The following RGS3 variants were observed in gnomAD, a reference collection of about 807,000 sequenced individuals.
RGS3 encodes regulator of G protein signaling 3, also known as regulator of G-protein signalling 3.
In RGS3, 80 loss-of-function variants were observed where a neutral mutation model predicts 132.6. The ratio of observed to expected loss-of-function variants is 0.60; its 90% CI spans 0.50 to 0.73. RGS3 has a LOEUF of 0.73. RGS3 is among the 30% of genes least tolerant of loss of function. RGS3 has a pLI of 0.00. For missense variants in RGS3, 1,382 were observed against 1,530.8 expected (o/e 0.90, Z 1.62); for synonymous variants, 598 against 620.6 (o/e 0.96, Z 0.54).
At chr9:113,462,709 C>T (rs935227387) in intron 3 of RGS3, among the ~76,000 whole-genome samples, 1 of 152,186 alleles carries the variant, frequency 6.6e-6, no homozygotes, top group African/African-American at 2.4e-5. Context: ...GTAAATTGCC[C>T]AGCTCAGCTC....
chr9:113,497,282 G>T (rs962169875), intron 8 of RGS3, 32 bp from the exon 7 acceptor site: 1 of 1,567,654 alleles, frequency 6.4e-7, no homozygotes, highest in Non-Finnish European at 8.8e-7. Context: ...TGCCTCCTGT[G>T]TCTGAGCGTG....
At chr9:113,450,421 G>A (rs1829214212) in intron 1 of RGS3, among the ~76,000 whole-genome samples, 1 of 152,210 alleles carries the variant, frequency 6.6e-6, no homozygotes. Flanking sequence ...GCAGTAGGCA[G>A]ATACTAAGAA....
intron 19 of RGS3, chr9:113,542,140 C>CT (rs200719288): frequency 0.024 from 3,738 of 152,732 alleles, 65 homozygotes; most frequent in Admixed American, 0.037. Context: ...AAGGACATAA[C>CT]TTTTAAACCG....
At chr9:113,553,459 A>AAAAAAAAAAAAATAT (rs1426114805) in intron 19 of RGS3, among the ~76,000 whole-genome samples, 23 of 58,688 alleles carry the variant, frequency 3.9e-4, no homozygotes, top group Non-Finnish European at 5.7e-4. Context: ...AAAAAAAAAA[A>AAAAAAAAAAAAATAT]ATATATATAT....
chr9:113,568,690 A>G (rs884898), intron 19 of RGS3, among the ~76,000 whole-genome samples: 28,466 of 152,196 alleles, frequency 0.19, 2,784 homozygotes, highest in African/African-American at 0.22. Context: ...GGAGCCAGGC[A>G]GTTTCCAAGA....
chr9:113,555,032 T>A (rs929266767), intron 19 of RGS3, among the ~76,000 whole-genome samples: 4 of 152,210 alleles, frequency 2.6e-5, no homozygotes, highest in Non-Finnish European at 5.9e-5. Flanking sequence ...CCCAAATGGT[T>A]TGACCAGTTT....
At chr9:113,524,468 C>T (rs1832107412) in intron 17 of RGS3, among the ~76,000 whole-genome samples, 1 of 152,130 alleles carries the variant, frequency 6.6e-6, no homozygotes. Context: ...GAAGCTATAA[C>T]CCAGGACCCT....
At chr9:113,539,068 C>T (rs1444240361) in intron 19 of RGS3, among the ~76,000 whole-genome samples, 1 of 152,254 alleles carries the variant, frequency 6.6e-6, no homozygotes, top group Non-Finnish European at 1.5e-5. Flanking sequence ...AATAGATTCT[C>T]TCCAGCCCTA....
At chr9:113,476,139 T>A (rs1829985992) in intron 3 of RGS3, among the ~76,000 whole-genome samples, 1 of 152,144 alleles carries the variant, frequency 6.6e-6, no homozygotes, top group Admixed American at 6.5e-5. Flanking sequence ...TGGCACCTGG[T>A]GCTGTCCCCG....
chr9:113,583,690 C>T (rs1834944435), exon 20 of RGS3: 1 of 1,613,968 alleles, frequency 6.2e-7, no homozygotes, highest in Admixed American at 1.7e-5. Flanking sequence ...AGATGCTCCG[C>T]CCAGCAAGGA....
intron 7 of RGS3, among the ~76,000 whole-genome samples, chr9:113,491,097 T>A (rs1830504415): frequency 1.4e-5 from 2 of 142,104 alleles, no homozygotes; most frequent in South Asian, 2.1e-4. Flanking sequence ...CATAACTTAA[T>A]TATAATTATA....
chr9:113,480,111 T>TTA (rs1830112454), intron 4 of RGS3, among the ~76,000 whole-genome samples: 1 of 152,182 alleles, frequency 6.6e-6, no homozygotes, highest in Non-Finnish European at 1.5e-5. Flanking sequence ...GTTAGTAAAG[T>TTA]GCTTAGAACA....
chr9:113,487,409 C>A (rs1322889656), intron 7 of RGS3, among the ~76,000 whole-genome samples: 1 of 152,156 alleles, frequency 6.6e-6, no homozygotes, highest in Non-Finnish European at 1.5e-5. Context: ...CCGCGCCCGG[C>A]CTGTCTCATT....
rs1381769881 is a variant in RGS3, at chr9:113,565,913, G to GTGTGTGTGTC, written c.2038-17534_2038-17533insGTGTGTCTGT. Among the ~76,000 whole-genome samples, 140 of 144,506 alleles carry GTGTGTGTGTC rather than the reference G, an allele frequency of 9.7e-4. No individual in the cohort carries two copies. Among genetic ancestry groups the GTGTGTGTGTC allele is most frequent in the African/African-American group, 3.6e-3 (138 of 38,546 alleles). The allele number at this position is 144,506 out of a possible 152,430, so 94.8% of individuals were successfully genotyped here. On this transcript the variant is annotated intron_variant, in intron 19 of 24. Transcript: ENST00000350696. The surrounding 1 kb of genome is among the most constrained non-coding windows in gnomAD (Gnocchi z 5.7). Reference sequence around the variant, plus strand: ...TGTGTGTGTGTGTGTGTGTGTGTGTGTGTCTGTCTGTCTGTCTGTCTCAGG... The same window carrying GTGTGTGTGTC: ...TGTGTGTGTGTGTGTGTGTGTGTGTGTGTGTGTGTCTGTCTGTCTGTCTGTCTGTCTCAGG...
At chr9:113,460,409 C>T (rs1829447156) in intron 1 of RGS3, 1 of 200,552 alleles carries the variant, frequency 5.0e-6, no homozygotes, top group Non-Finnish European at 1.0e-5. Context: ...GTCCCAGCTA[C>T]TCGGGGGGTG....
At chr9:113,485,127 A>G (rs929099564) in intron 6 of RGS3, among the ~76,000 whole-genome samples, 2 of 151,712 alleles carry the variant, frequency 1.3e-5, no homozygotes, top group Non-Finnish European at 2.9e-5. Flanking sequence ...TTGCTCTGTC[A>G]CCCAGGCTGG....
chr9:113,497,918 TG>T, intron 9 of RGS3, 106 bp from the exon 8 acceptor site: 1 of 1,122,650 alleles, frequency 8.9e-7, no homozygotes, highest in Non-Finnish European at 1.3e-6. Flanking sequence ...GGAGTGGCCC[TG>T]GGCAGCCCCA....
intron 7 of RGS3, 87 bp downstream of exon 5, chr9:113,485,780 T>A: frequency 1.1e-6 from 1 of 913,424 alleles, no homozygotes; most frequent in Non-Finnish European, 1.7e-6. Context: ...GGGGTTCGAT[T>A]AGTGCTTTCT....
intron 7 of RGS3, among the ~76,000 whole-genome samples, chr9:113,490,705 T>TATAAAATATAA (rs1830481861): frequency 2.6e-5 from 3 of 113,720 alleles, no homozygotes; most frequent in African/African-American, 7.5e-5. Context: ...ATATTATATT[T>TATAAAATATAA]TATATTGGTA....
Sources: gnomAD v4.1 joint callset for allele counts (sites outside exome capture counted in the v4.1 genomes callset) on GRCh38, gnomAD v4.1.1 for gene constraint, Gnocchi (gnomAD v3.1) non-coding constraint, MANE v1.5 for transcripts, NCBI Gene and HGNC (gene_info 2026-07-23, HGNC 2026-07-21) for gene names.